The following FRYL variants were observed in gnomAD, a reference collection of about 807,000 sequenced individuals.
The protein encoded by FRYL is FRY like transcription coactivator.
FRYL carries 150 observed loss-of-function variants against 351.2 expected under a neutral mutation model. That is an observed-to-expected ratio of 0.43 (90% confidence interval 0.37 to 0.49). The LOEUF (loss-of-function observed/expected upper bound fraction) is 0.49, where lower values mean the gene tolerates loss of function less well. FRYL is among the 20% of genes least tolerant of loss of function. FRYL has a pLI of 0.00. For synonymous variants in FRYL, 1,153 were observed against 1,257.1 expected, an observed-to-expected ratio of 0.92 and a Z score of 1.75; for missense variants, 3,036 against 3,619.3, an observed-to-expected ratio of 0.84 and a Z score of 4.13.
chr4:48,563,369 G>A (rs1042516238), intron 31 of FRYL, among the ~76,000 whole-genome samples: 11 of 151,712 alleles, frequency 7.3e-5, no homozygotes, highest in Non-Finnish European at 1.5e-4. Flanking sequence ...GGTTAGACAC[G>A]GCTGCATTTG....
chr4:48,656,499 TTA>T (rs1358551581), intron 3 of FRYL, among the ~76,000 whole-genome samples: 6 of 127,654 alleles, frequency 4.7e-5, no homozygotes, highest in Non-Finnish European at 7.8e-5. Flanking sequence ...CATATATGCA[TTA>T]TATATAATGT....
chr4:48,600,809 G>A (rs1324907798), intron 13 of FRYL, among the ~76,000 whole-genome samples: 5 of 151,998 alleles, frequency 3.3e-5, no homozygotes, highest in Non-Finnish European at 5.9e-5. Context: ...TAAGTATAAT[G>A]TAATTAATTA....
intron 35 of FRYL, among the ~76,000 whole-genome samples, chr4:48,553,697 AT>A: frequency 6.6e-6 from 1 of 152,028 alleles, no homozygotes; most frequent in East Asian, 1.9e-4. Context: ...TTCTGTAAAA[AT>A]TTCTCTTTTA....
In FRYL at chr4:48,540,644, T is replaced by C. The variant is rs775864582; in HGVS notation, c.6004A>G (p.Thr2002Ala). ...AAAGATGCTGCTATCCAAAAAATGG[T>C]GGCCATCAAGTTGGTAGGCTCAGTA... ...STTEPTNLMA[T>A]IFWIAASLLE... The change falls in exon 46 of 64, where the codon ACC (threonine) becomes GCC (alanine). Residue 2002 changes from threonine to alanine, a missense_variant. By Grantham distance (58) the Thr-to-Ala change is moderately conservative. Coordinates refer to ENST00000358350, the MANE Select transcript of FRYL (RefSeq NM_015030.2). 6.2e-7 allele frequency: 1 copy of C among 1,613,976 alleles called. No individual in the cohort carries two copies. The highest frequency in any genetic ancestry group is 1.1e-5 in the South Asian group (1 of 91,076).
chr4:48,535,842 A>C lies in FRYL; in HGVS notation c.6394-15T>G. ...TCTGCACAAACCTAGAAAACAAATA[A>C]AATTATTTCATTCACCTAAAATAAA... On this transcript the variant is annotated splice_polypyrimidine_tract_variant and intron_variant, in intron 47 of 63. Transcript: ENST00000358350. The C allele has an allele frequency of 2.0e-6, 3 of 1,478,804 alleles. No individual in the cohort carries two copies. Among genetic ancestry groups the C allele is most frequent in the African/African-American group, 1.4e-5 (1 of 70,534 alleles). 91.6% of individuals were successfully genotyped at this position (1,478,804 alleles called of 1,614,324 possible).
chr4:48,772,323 C>T (rs1228011661), intron 1 of FRYL, among the ~76,000 whole-genome samples: 3 of 152,068 alleles, frequency 2.0e-5, no homozygotes, highest in African/African-American at 7.2e-5. Flanking sequence ...CCGGTAAAGG[C>T]CACAGTGAGC....
chr4:48,603,370 T>A lies in FRYL; in HGVS notation c.853A>T (p.Asn285Tyr), dbSNP rs1343709980. 1.2e-6 allele frequency: 2 copies of A among 1,608,126 alleles called. No individual in the cohort carries two copies. Among genetic ancestry groups the A allele is most frequent in the Non-Finnish European group, 8.5e-7 (1 of 1,175,586 alleles). The change falls in exon 12 of 64, where the codon AAT becomes TAT. Residue 285 changes from asparagine to tyrosine, a missense_variant. Transcript: ENST00000358350. ...PVAAAVKNEV[N>Y]VPCLKNFVEM... Reference sequence around the variant, plus strand: ...ACAAAATTTTTCAAACAGGGAACATTCACTTCATTTTTAACAGCCTAGTAA... The same window carrying A: ...ACAAAATTTTTCAAACAGGGAACATACACTTCATTTTTAACAGCCTAGTAA...
At chr4:48,705,557 T>TA (rs35570215) in intron 2 of FRYL, among the ~76,000 whole-genome samples, 76,834 of 144,166 alleles carry the variant, frequency 0.53, 20,953 homozygotes, top group African/African-American at 0.68. Flanking sequence ...ATATTTTTCT[T>TA]AAAAAAAAAA....
Position 48,606,533 on chromosome 4 carries a change from C to A in FRYL, c.646G>T (p.Val216Leu), listed in dbSNP as rs1361057751. Reference protein sequence around the residue: ...LRQKEQSPHVVQSVISLIMGM... With the variant: ...LRQKEQSPHVLQSVISLIMGM... ...ATTATTAAGCTGATGACACTTTGTA[C>A]CACATGTGGGCTTTGTTCCTTTTGT... Residue 216 changes from valine to leucine, a missense_variant, in exon 10 of 64, where the codon GTA becomes TTA. This residue lies in a region of FRYL where 457 missense variants were observed against 566.6 expected (regional missense o/e 0.81). Transcript: ENST00000358350. The A allele has an allele frequency of 6.2e-7, 1 of 1,613,246 alleles. No homozygotes were observed. Among genetic ancestry groups the A allele is most frequent in the East Asian group, 2.2e-5 (1 of 44,818 alleles).
intron 26 of FRYL, chr4:48,571,886 A>G: frequency 1.0e-6 from 1 of 985,300 alleles, no homozygotes. Context: ...TGTGTTTAAT[A>G]GCATTCCTTC....
rs1398543832 is a variant in FRYL at position 48,551,562 on chromosome 4, G to C, written c.4452C>G (p.Ser1484Arg). ...PSVTSGTTSS[S>R]NTMVAPTDGN... is the part of the protein sequence containing the mutation. The stretch of plus-strand genomic sequence containing the variant: ...CATCTGTGGGAGCTACCATTGTATT[G>C]CTACTGGAAGTAGTTCCTGTAATCA... The change falls in exon 37 of 64, where the codon AGC becomes AGG. Residue 1484 changes from serine (S) to arginine (R), a missense_variant. Around this residue, in one of 7 missense-constraint regions of FRYL, gnomAD observed 1,987 missense variants for 2,311.7 expected, o/e 0.86. Coordinates refer to ENST00000358350, the MANE Select transcript of FRYL (RefSeq NM_015030.2). The C allele has an allele frequency of 6.2e-7, 1 of 1,608,916 alleles. No homozygotes were observed. The highest frequency in any genetic ancestry group is 8.5e-7 in the Non-Finnish European group (1 of 1,175,930).
intron 35 of FRYL, among the ~76,000 whole-genome samples, chr4:48,553,637 G>C (rs1246031998): frequency 6.8e-6 from 1 of 146,696 alleles, no homozygotes; most frequent in African/African-American, 2.5e-5. Context: ...TCCACTTTAT[G>C]CACTTTCTTT....
chr4:48,680,620 A>C (rs1278776109), intron 3 of FRYL, among the ~76,000 whole-genome samples: 2 of 152,064 alleles, frequency 1.3e-5, no homozygotes, highest in Admixed American at 6.6e-5. Flanking sequence ...TCAGTATCTT[A>C]TTTTTTGTTT....
intron 1 of FRYL, among the ~76,000 whole-genome samples, chr4:48,716,519 G>A (rs189568335): frequency 1.3e-5 from 2 of 151,652 alleles, no homozygotes; most frequent in East Asian, 1.9e-4. Flanking sequence ...AAAAACACAC[G>A]AAAAAATGCT....
rs1736426682 is a variant in FRYL at position 48,564,915 on chromosome 4, G to C, written c.3441+18C>G. ...ATGACAACTTATTATGAACCTTTAA[G>C]GAAATTGTCATAATTACCTTTTTGT... On this transcript the variant is annotated intron_variant, in intron 30 of 63. Transcript: ENST00000358350. 4.5e-6 allele frequency: 6 copies of C among 1,326,472 alleles called. No homozygotes were observed. Among genetic ancestry groups the C allele is most frequent in the Admixed American group, 1.8e-5 (1 of 56,842 alleles). The allele number at this position is 1,326,472 out of a possible 1,614,324, so 82.2% of individuals were successfully genotyped here.
At position 48,551,477 on chromosome 4, in the gene FRYL, A is replaced by T. The variant is rs1363289530; in HGVS notation, c.4520+17T>A. The T allele has an allele frequency of 6.8e-7, 1 of 1,469,012 alleles. No homozygotes were observed. The allele number at this position is 1,469,012 out of a possible 1,614,324, so 91.0% of individuals were successfully genotyped here. On this transcript the variant is annotated intron_variant, in intron 37 of 63. Transcript: ENST00000358350. ...CTGTCAAACTGAAAGGCTAATACAG[A>T]ACAGAGAAGTACTTACCTCTCTTCA...
At chr4:48,614,686 C>T (rs1356875890) in intron 7 of FRYL, among the ~76,000 whole-genome samples, 2 of 110,690 alleles carry the variant, frequency 1.8e-5, no homozygotes, top group East Asian at 3.1e-4. Context: ...CAAACCATTG[C>T]ACACTAGCCT....
Position 48,505,590 on chromosome 4 carries a change from A to C in FRYL, c.8420T>G (p.Phe2807Cys), listed in dbSNP as rs771631799. Residue 2807 changes from phenylalanine to cysteine, a missense_variant, in exon 60 of 64, where the codon TTT becomes TGT. Phe to Cys is a radical substitution (Grantham distance 205). This residue lies in a region of FRYL where 1,987 missense variants were observed against 2,311.7 expected (regional missense o/e 0.86). Coordinates refer to ENST00000358350, the MANE Select transcript of FRYL (RefSeq NM_015030.2). Reference protein sequence around the residue: ...EQWLDDCKRTFGAKEDMYRIN... With the variant: ...EQWLDDCKRTCGAKEDMYRIN... Reference sequence around the variant, plus strand: ...CCTATACATGTCTTCTTTGGCACCAAATGTCCTCTTACAATCATCTAGCCA... The same window carrying C: ...CCTATACATGTCTTCTTTGGCACCACATGTCCTCTTACAATCATCTAGCCA... 3 of 1,609,276 alleles carry C rather than the reference A, an allele frequency of 1.9e-6. No individual in the cohort carries two copies. Among genetic ancestry groups the C allele is most frequent in the Non-Finnish European group, 2.5e-6 (3 of 1,176,844 alleles).
chr4:48,658,167 TTGA>T (rs1759652268), intron 3 of FRYL, among the ~76,000 whole-genome samples: 1 of 145,642 alleles, frequency 6.9e-6, no homozygotes. Flanking sequence ...AAATATGCAA[TTGA>T]TGAGAATTAA....
Sources: gnomAD v4.1 joint callset for allele counts (sites outside exome capture counted in the v4.1 genomes callset) on GRCh38, gnomAD v4.1.1 for gene constraint, gnomAD v4.1.1 regional missense constraint, MANE v1.5 for transcripts, NCBI Gene and HGNC (gene_info 2026-07-23, HGNC 2026-07-21) for gene names.